The following HMCN1 variants were observed in gnomAD, a reference collection of about 807,000 sequenced individuals.
HMCN1 encodes the protein hemicentin-1.
A neutral mutation model predicts 625.9 loss-of-function variants in HMCN1; 321 were observed. The ratio of observed to expected loss-of-function variants is 0.51; its 90% CI spans 0.47 to 0.56. The LOEUF (loss-of-function observed/expected upper bound fraction) is 0.56. Among genes scored for constraint, HMCN1 ranks in the 20% least tolerant of loss-of-function variants. The pLI, the probability that HMCN1 is intolerant of heterozygous loss-of-function variation, is 0.00. For synonymous variants in HMCN1, 2,425 were observed against 2,417.6 expected, an observed-to-expected ratio of 1.00 and a Z score of -0.09; for missense variants, 6,588 against 6,887.3, an observed-to-expected ratio of 0.96 and a Z score of 1.54.
In HMCN1 at chr1:185,933,553, C is replaced by G; in HGVS notation, c.1557C>G (p.Pro519=). The change falls in exon 11 of 107, where the codon CCC becomes CCG. Residue 519 remains proline (P), a synonymous_variant. Coordinates refer to ENST00000271588, the MANE Select transcript of HMCN1 (RefSeq NM_031935.3). Reference sequence around the variant, plus strand: ...GAATTTTTTGATTTCACACAGAGCCCCCTCCGGTCATCCAAGTGCCTAACA... The same window carrying G: ...GAATTTTTTGATTTCACACAGAGCCGCCTCCGGTCATCCAAGTGCCTAACA... The part of the protein sequence containing the change: ...RAQTFFDVSE[P]PPVIQVPNNV... 1 of 1,613,866 alleles carries G rather than the reference C, an allele frequency of 6.2e-7. No individual in the cohort carries two copies. Among genetic ancestry groups the G allele is most frequent in the Non-Finnish European group, 8.5e-7 (1 of 1,179,876 alleles).
intron 10 of HMCN1, among the ~76,000 whole-genome samples, chr1:185,930,816 C>T (rs2102491138): frequency 6.6e-6 from 1 of 151,806 alleles, no homozygotes; most frequent in Admixed American, 6.6e-5. Context: ...AAAACTTATT[C>T]TTTTCATTAC....
intron 4 of HMCN1, among the ~76,000 whole-genome samples, chr1:185,879,867 G>A (rs1009407273): frequency 6.6e-6 from 1 of 152,104 alleles, no homozygotes; most frequent in African/African-American, 2.4e-5. Context: ...ATCTGAATGT[G>A]GAATTCACAC....
intron 64 of HMCN1, among the ~76,000 whole-genome samples, 154 bp from the exon 65 acceptor site, chr1:186,092,976 TATAA>T (rs1242494948): frequency 1.3e-5 from 2 of 152,116 alleles, no homozygotes; most frequent in Non-Finnish European, 2.9e-5. Context: ...CTTTTTTTCT[TATAA>T]GGAGGTGGTA....
At chr1:186,114,751 C>T (rs759527070) in intron 73 of HMCN1, 68 bp from the exon 74 acceptor site, 1 of 1,568,842 alleles carries the variant, frequency 6.4e-7, no homozygotes, top group Non-Finnish European at 8.8e-7. Context: ...TTAACATTTC[C>T]CTCAGTCAAA....
intron 40 of HMCN1, among the ~76,000 whole-genome samples, chr1:186,041,402 A>T (rs1407528974): frequency 6.6e-6 from 1 of 152,180 alleles, no homozygotes; most frequent in Non-Finnish European, 1.5e-5. Context: ...ATGACTGGAT[A>T]GCAGCTCTGC....
intron 97 of HMCN1, among the ~76,000 whole-genome samples, chr1:186,164,262 CAG>C (rs1324449721): frequency 1.8e-5 from 2 of 108,824 alleles, no homozygotes; most frequent in African/African-American, 1.2e-4. Flanking sequence ...TTTTTTGAGA[CAG>C]AGTCTCGCTC....
intron 4 of HMCN1, among the ~76,000 whole-genome samples, chr1:185,886,210 T>G (rs1018152569): frequency 9.4e-5 from 14 of 148,258 alleles, no homozygotes; most frequent in African/African-American, 3.4e-4. Context: ...CGTGTTCTAT[T>G]GGAAGAAAAA....
rs184170634 is a variant in HMCN1, at chr1:185,782,635, G to T, written c.268+47588G>T. Among the ~76,000 whole-genome samples the T allele has an allele frequency of 5.1e-4, 77 of 152,232 alleles. No homozygotes were observed. In the East Asian group the frequency reaches 0.014, roughly 28 times the overall value. ...TAGTTTGGCTGGATATGAAATTCTG[G>T]GTTGAAAATTCTTTTCTTTAAGAAT... On this transcript the variant is annotated intron_variant, in intron 1 of 106. Coordinates refer to ENST00000271588, the MANE Select transcript of HMCN1 (RefSeq NM_031935.3).
intron 6 of HMCN1, among the ~76,000 whole-genome samples, chr1:185,921,946 A>G (rs1667026128): frequency 6.6e-6 from 1 of 152,212 alleles, no homozygotes; most frequent in African/African-American, 2.4e-5. Flanking sequence ...ACTGGCTGCA[A>G]TGTCCTAGAG....
chr1:186,103,057 C>T (rs888135864), intron 68 of HMCN1, among the ~76,000 whole-genome samples: 2 of 151,962 alleles, frequency 1.3e-5, no homozygotes, highest in Non-Finnish European at 2.9e-5. Context: ...AGCAAAATTC[C>T]ACAGTATTCA....
At chr1:185,786,457 G>T (rs866946189) in intron 1 of HMCN1, among the ~76,000 whole-genome samples, 1 of 152,162 alleles carries the variant, frequency 6.6e-6, no homozygotes, top group African/African-American at 2.4e-5. Context: ...TATAGGCAAA[G>T]GGAGGCTAAG....
chr1:186,122,394 T>G (rs1661437619), intron 80 of HMCN1, among the ~76,000 whole-genome samples: 1 of 152,240 alleles, frequency 6.6e-6, no homozygotes, highest in Admixed American at 6.5e-5. Flanking sequence ...GAAATCCTTA[T>G]TATAAGCTCT....
intron 91 of HMCN1, 134 bp from the exon 92 acceptor site, chr1:186,145,269 A>G (rs1650238093): frequency 1.7e-5 from 14 of 818,222 alleles, no homozygotes; most frequent in Non-Finnish European, 2.1e-5. Flanking sequence ...GAAGTTGCCT[A>G]TTTATAGACT....
intron 1 of HMCN1, among the ~76,000 whole-genome samples, chr1:185,744,531 C>T (rs904998067): frequency 2.6e-5 from 4 of 152,162 alleles, no homozygotes; most frequent in African/African-American, 9.7e-5. Context: ...CTATCAATTA[C>T]AGACTTCTTA....
intron 15 of HMCN1, among the ~76,000 whole-genome samples, chr1:185,972,647 A>G (rs962088655): frequency 6.6e-6 from 1 of 152,162 alleles, no homozygotes; most frequent in African/African-American, 2.4e-5. Flanking sequence ...CTTAGTGTTA[A>G]AGTCAGTACC....
At chr1:185,978,887 G>C (rs1307987974) in intron 16 of HMCN1, among the ~76,000 whole-genome samples, 1 of 152,008 alleles carries the variant, frequency 6.6e-6, no homozygotes, top group Non-Finnish European at 1.5e-5. Flanking sequence ...TACCATGTTG[G>C]CCAGGCTGGT....
intron 38 of HMCN1, 74 bp from the exon 39 acceptor site, chr1:186,039,654 A>C (rs1469038407): frequency 3.5e-5 from 50 of 1,438,850 alleles, no homozygotes; most frequent in Non-Finnish European, 4.7e-5. Flanking sequence ...TGTAGACATT[A>C]GATGTAGTTT....
rs1656022627 is a variant in HMCN1 at position 186,038,973 on chromosome 1, C to A, written c.5996C>A (p.Ala1999Asp). The change falls in exon 38 of 107, where the codon GCT becomes GAT. Residue 1999 changes from alanine to aspartate, a missense_variant. By Grantham distance (126) the Ala-to-Asp change is moderately radical. This residue lies in a region of HMCN1 where 4,628 missense variants were observed against 4,853.1 expected (regional missense o/e 0.95). Transcript: ENST00000271588. ...TGCGTGGCCATCAACTCAGCTGGAG[C>A]TACAGAGTTATTTTACAGTCTGCAA... ...YKCVAINSAGATELFYSLQVH... is the reference protein window; with the variant it reads ...YKCVAINSAGDTELFYSLQVH... The A allele has an allele frequency of 6.2e-7, 1 of 1,612,868 alleles. No homozygotes were observed. Among genetic ancestry groups the A allele is most frequent in the Non-Finnish European group, 8.5e-7 (1 of 1,179,014 alleles).
chr1:186,151,155 T>C (rs759366826), intron 93 of HMCN1, 45 bp from the exon 94 acceptor site: 8 of 1,605,060 alleles, frequency 5.0e-6, no homozygotes, highest in African/African-American at 4.0e-5. Context: ...GTAATGTTGA[T>C]GAAATTGCAT....
Sources: allele counts gnomAD v4.1 joint callset (sites outside exome capture counted in the v4.1 genomes callset), GRCh38; gene constraint gnomAD v4.1.1; regional missense constraint gnomAD v4.1.1; transcripts MANE v1.5; gene names NCBI Gene and HGNC (gene_info 2026-07-23, HGNC 2026-07-21).